NEGR1: variants seen among roughly 807,000 people sequenced by gnomAD.
NEGR1 encodes the protein neuronal growth regulator 1.
A neutral mutation model predicts 40.9 loss-of-function variants in NEGR1; 10 were observed. That is an observed-to-expected ratio of 0.24 (90% CI 0.15 to 0.42). The LOEUF (loss-of-function observed/expected upper bound fraction) is 0.42. Ranked by LOEUF, NEGR1 falls within the 10% of genes least tolerant of loss-of-function variation. The pLI, the probability that NEGR1 is intolerant of heterozygous loss-of-function variation, is 1.00. For synonymous variants in NEGR1, 185 were observed against 166.8 expected, an observed-to-expected ratio of 1.11 and a Z score of -0.84; for missense variants, 352 against 438.9, an observed-to-expected ratio of 0.80 and a Z score of 1.77.
At chr1:71,721,894 G>A (rs1654522802) in intron 3 of NEGR1, among the ~76,000 whole-genome samples, 1 of 152,054 alleles carries the variant, frequency 6.6e-6, no homozygotes, top group African/African-American at 2.4e-5. Flanking sequence ...AGGAATCTTG[G>A]CAAAGAGAAC....
At chr1:71,867,466 T>C (rs1008672737) in intron 2 of NEGR1, among the ~76,000 whole-genome samples, 4 of 152,308 alleles carry the variant, frequency 2.6e-5, no homozygotes, top group African/African-American at 7.2e-5. Flanking sequence ...AATGGAGGAA[T>C]TGGGGTTGTT....
intron 6 of NEGR1, among the ~76,000 whole-genome samples, chr1:71,483,353 A>G (rs1646866909): frequency 6.6e-6 from 1 of 151,954 alleles, no homozygotes; most frequent in Admixed American, 6.6e-5. Context: ...AAGGAATGAC[A>G]TAATATAAGT....
intron 3 of NEGR1, among the ~76,000 whole-genome samples, chr1:71,738,979 GTGACT>G (rs1655123782): frequency 1.3e-5 from 2 of 151,908 alleles, no homozygotes; most frequent in South Asian, 4.2e-4. Flanking sequence ...GAGCCTCAAA[GTGACT>G]TAACACAAAA....
At chr1:71,430,379 T>A (rs1484875110) in intron 6 of NEGR1, among the ~76,000 whole-genome samples, 1 of 152,142 alleles carries the variant, frequency 6.6e-6, no homozygotes, top group East Asian at 1.9e-4. Context: ...CTCTTTTGCT[T>A]GGGGCTCAAC....
chr1:71,739,298 C>G (rs1035726920), intron 3 of NEGR1, among the ~76,000 whole-genome samples: 2 of 151,900 alleles, frequency 1.3e-5, no homozygotes, highest in African/African-American at 4.8e-5. Context: ...GCTTTCTGCC[C>G]TTGAATGTCA....
intron 1 of NEGR1, among the ~76,000 whole-genome samples, chr1:72,049,738 C>T (rs1647039836): frequency 6.6e-6 from 1 of 151,498 alleles, no homozygotes; most frequent in South Asian, 2.1e-4. Flanking sequence ...TGAATAAGCA[C>T]CATTTTTTAC....
intron 4 of NEGR1, among the ~76,000 whole-genome samples, chr1:71,647,796 A>G (rs1010212198): frequency 2.6e-5 from 4 of 151,982 alleles, no homozygotes; most frequent in African/African-American, 9.7e-5. Context: ...AGCACTATAT[A>G]CTGAACTACA....
chr1:71,725,056 T>C (rs995879912), intron 3 of NEGR1, among the ~76,000 whole-genome samples: 1 of 152,110 alleles, frequency 6.6e-6, no homozygotes, highest in Non-Finnish European at 1.5e-5. Flanking sequence ...GTTCAGTGTT[T>C]TCCAAACTGT....
At chr1:71,866,543 G>A (rs972010480) in intron 2 of NEGR1, among the ~76,000 whole-genome samples, 1 of 152,068 alleles carries the variant, frequency 6.6e-6, no homozygotes, top group Non-Finnish European at 1.5e-5. Flanking sequence ...ACCTTACAAA[G>A]TTTTTCACAT....
chr1:71,734,244 T>A (rs1389662447), intron 3 of NEGR1, among the ~76,000 whole-genome samples: 3 of 152,192 alleles, frequency 2.0e-5, no homozygotes. Context: ...ATGGTTTGTT[T>A]ATAGAGCTGG....
chr1:71,552,307 T>C, intron 6 of NEGR1, among the ~76,000 whole-genome samples: 1 of 150,054 alleles, frequency 6.7e-6, no homozygotes, highest in East Asian at 2.0e-4. Context: ...CCTGTGGCCC[T>C]TCTATTATAT....
At chr1:71,775,659 T>G (rs972544695) in intron 3 of NEGR1, among the ~76,000 whole-genome samples, 8 of 151,908 alleles carry the variant, frequency 5.3e-5, no homozygotes, top group Non-Finnish European at 1.0e-4. Flanking sequence ...TTAACTTTTA[T>G]GAACTGCAAT....
At chr1:72,020,812 A>G (rs1646749852) in intron 1 of NEGR1, among the ~76,000 whole-genome samples, 1 of 152,238 alleles carries the variant, frequency 6.6e-6, no homozygotes, top group South Asian at 2.1e-4. Flanking sequence ...AATATATTTA[A>G]ATGATGTAGC....
chr1:71,397,573 T>C lies in NEGR1; in HGVS notation c.*9873A>G, dbSNP rs1646220411. Reference sequence around the variant, plus strand: ...AATTCGTGACCTCAGGTGATCTGCCTGTCTCAGACTCCCAAAGTGCTGAGA... The same window carrying C: ...AATTCGTGACCTCAGGTGATCTGCCCGTCTCAGACTCCCAAAGTGCTGAGA... On this transcript the variant is annotated 3_prime_UTR_variant, in exon 7 of 7. Transcript: ENST00000357731. 1 of 152,246 alleles carries C rather than the reference T, an allele frequency of 6.6e-6. No individual in the cohort carries two copies. The highest frequency in any genetic ancestry group is 6.5e-5 in the Admixed American group (1 of 15,268). The allele number at this position is 152,246 out of a possible 1,614,324, so 9.4% of individuals were successfully genotyped here.
chr1:71,861,546 A>G (rs540238748), intron 2 of NEGR1, among the ~76,000 whole-genome samples: 21 of 152,194 alleles, frequency 1.4e-4, no homozygotes, highest in African/African-American at 4.8e-4. Context: ...CTTCAACACC[A>G]AAGAATGCAT....
chr1:71,908,448 G>A (rs927690308), intron 2 of NEGR1, among the ~76,000 whole-genome samples: 5 of 152,078 alleles, frequency 3.3e-5, no homozygotes, highest in East Asian at 1.9e-4. Flanking sequence ...AGTAGGAAAG[G>A]CAGGGACCCA....
chr1:71,648,653 A>G (rs1056160139), intron 4 of NEGR1, among the ~76,000 whole-genome samples: 4 of 151,966 alleles, frequency 2.6e-5, no homozygotes, highest in African/African-American at 9.7e-5. Flanking sequence ...TAAGGGTTAG[A>G]GCATCTCCAG....
chr1:71,505,535 C>T (rs1647026472), intron 6 of NEGR1, among the ~76,000 whole-genome samples: 1 of 152,100 alleles, frequency 6.6e-6, no homozygotes, highest in African/African-American at 2.4e-5. Flanking sequence ...CCAGCCTCAG[C>T]CTCCCAAAGT....
intron 6 of NEGR1, among the ~76,000 whole-genome samples, chr1:71,582,057 C>T (rs1160105786): frequency 1.3e-5 from 2 of 151,978 alleles, no homozygotes. Flanking sequence ...CTAAATGTAT[C>T]ATAGTGAAGC....
Sources: gnomAD v4.1 joint callset for allele counts (sites outside exome capture counted in the v4.1 genomes callset) on GRCh38, gnomAD v4.1.1 for gene constraint, MANE v1.5 for transcripts, NCBI Gene and HGNC (gene_info 2026-07-23, HGNC 2026-07-21) for gene names.